Variants in NAA20 observed in about 807,000 individuals in gnomAD.
NAA20 encodes the protein N-alpha-acetyltransferase 20.
In NAA20, 24 loss-of-function variants were observed where a neutral mutation model predicts 23.8. The ratio of observed to expected loss-of-function variants is 1.01; its 90% CI spans 0.73 to 1.42. The LOEUF (loss-of-function observed/expected upper bound fraction) is 1.42. Among genes scored for constraint, NAA20 ranks in the 40% most tolerant of loss-of-function variants. The pLI, the probability that NAA20 is intolerant of heterozygous loss-of-function variation, is 0.00. For missense variants in NAA20, 166 were observed against 223.1 expected (o/e 0.74, Z 1.63); for synonymous variants, 83 against 77.7 (o/e 1.07, Z -0.36).
intron 4 of NAA20, among the ~76,000 whole-genome samples, chr20:20,032,232 G>T (rs932110436): frequency 1.3e-5 from 2 of 151,782 alleles, no homozygotes; most frequent in African/African-American, 4.9e-5. Flanking sequence ...TGAATTTGTA[G>T]AACAAATGCC....
intron 4 of NAA20, among the ~76,000 whole-genome samples, chr20:20,027,777 T>A (rs2043315916): frequency 6.7e-6 from 1 of 150,280 alleles, no homozygotes; most frequent in East Asian, 2.0e-4. Context: ...TTAAGGGACG[T>A]GTTGTATATA....
chr20:20,017,535 C>G, intron 1 of NAA20, 86 bp downstream of exon 1: 2 of 1,508,316 alleles, frequency 1.3e-6, no homozygotes, highest in South Asian at 2.5e-5. Context: ...CGCGCCTTCC[C>G]GGCCGGACCC....
At chr20:20,031,121 C>T (rs1478860357) in intron 4 of NAA20, among the ~76,000 whole-genome samples, 3 of 152,124 alleles carry the variant, frequency 2.0e-5, no homozygotes, top group Admixed American at 6.5e-5. Flanking sequence ...GACTCTGAAA[C>T]ATACAGAGGA....
intron 4 of NAA20, among the ~76,000 whole-genome samples, chr20:20,027,855 T>G (rs906185512): frequency 3.9e-5 from 6 of 152,096 alleles, no homozygotes; most frequent in Admixed American, 1.3e-4. Flanking sequence ...TCCTCGTATC[T>G]TCATTCTAGA....
At chr20:20,018,918 G>A (rs1289005551) in intron 1 of NAA20, 38 of 985,330 alleles carry the variant, frequency 3.9e-5, no homozygotes, top group Non-Finnish European at 4.6e-5. Flanking sequence ...TGGCTCTGGA[G>A]CAGTGGTTCT....
At chr20:20,033,078 A>T in intron 5 of NAA20, 24 bp from the exon 6 acceptor site, 1 of 1,549,878 alleles carries the variant, frequency 6.5e-7, no homozygotes, top group Admixed American at 1.7e-5. Context: ...TTGGGTGTTT[A>T]TATTAAACTT....
intron 3 of NAA20, 66 bp from the exon 4 acceptor site, chr20:20,026,718 G>A: frequency 6.3e-7 from 1 of 1,586,978 alleles, no homozygotes; most frequent in Middle Eastern, 1.7e-4. Flanking sequence ...ATACTGAACA[G>A]TAATTCTATA....
At chr20:20,018,040 TG>T in intron 1 of NAA20, 1 of 1,614,204 alleles carries the variant, frequency 6.2e-7, no homozygotes, top group Middle Eastern at 1.6e-4. Flanking sequence ...GTCTCAGTCA[TG>T]GTTAGTGTTT....
At chr20:20,018,346 C>T (rs1198398471) in intron 1 of NAA20, 3 of 463,014 alleles carry the variant, frequency 6.5e-6, no homozygotes, top group Non-Finnish European at 1.2e-5. Context: ...ATCTCTCCTT[C>T]CTTCCCATCT....
At chr20:20,020,544 A>G (rs950144065) in intron 1 of NAA20, among the ~76,000 whole-genome samples, 3 of 152,228 alleles carry the variant, frequency 2.0e-5, no homozygotes. Context: ...TGGAGAGGCC[A>G]TCATAAGACC....
intron 2 of NAA20, 136 bp from the exon 3 acceptor site, chr20:20,025,541 T>G: frequency 1.5e-6 from 1 of 657,548 alleles, no homozygotes; most frequent in South Asian, 1.9e-5. Context: ...TGTAATGGTA[T>G]GTATGATTAT....
intron 4 of NAA20, among the ~76,000 whole-genome samples, chr20:20,027,241 A>G (rs2043312728): frequency 6.6e-6 from 1 of 152,192 alleles, no homozygotes; most frequent in South Asian, 2.1e-4. Context: ...ATCTGTTACC[A>G]TTGCTTTGGC....
chr20:20,022,470 T>G lies in NAA20; in HGVS notation c.68T>G (p.Leu23Arg). The change falls in exon 2 of 6, where the codon CTT becomes CGT. Residue 23 changes from leucine to arginine, a missense_variant. Coordinates refer to ENST00000334982, the MANE Select transcript of NAA20 (RefSeq NM_016100.5). ...FRFNNINLDPLTETYGIPFYL... is the reference protein window; with the variant it reads ...FRFNNINLDPRTETYGIPFYL... Reference sequence around the variant, plus strand: ...GTTTCTTTCAGTAACTTGGATCCACTTACAGAAACTGTATCCTTTTTTACA... The same window carrying G: ...GTTTCTTTCAGTAACTTGGATCCACGTACAGAAACTGTATCCTTTTTTACA... 6.3e-7 allele frequency: 1 copy of G among 1,583,068 alleles called. No homozygotes were observed. The highest frequency in any genetic ancestry group is 8.6e-7 in the Non-Finnish European group (1 of 1,168,496).
intron 3 of NAA20, among the ~76,000 whole-genome samples, 154 bp from the exon 4 acceptor site, chr20:20,026,630 T>G (rs1024750523): frequency 1.3e-5 from 2 of 152,094 alleles, no homozygotes; most frequent in Non-Finnish European, 2.9e-5. Context: ...GAATTTCAAA[T>G]AAAAGCACTA....
intron 1 of NAA20, among the ~76,000 whole-genome samples, chr20:20,022,201 T>C (rs1779098202): frequency 1.3e-5 from 2 of 152,192 alleles, no homozygotes; most frequent in Non-Finnish European, 2.9e-5. Context: ...GATGTAGATT[T>C]ATTAACTTGA....
At position 20,031,331 on chromosome 20, in the gene NAA20, G is replaced by C. The variant is rs140956614; in HGVS notation, c.306-1177G>C. Among the ~76,000 whole-genome samples, 84 of 152,256 alleles carry C rather than the reference G, an allele frequency of 5.5e-4. 1 individual carries two copies. The East Asian group carries it at 0.015, about 27-fold the overall frequency. On this transcript the variant is annotated intron_variant, in intron 4 of 5. Transcript: ENST00000334982. ...ACAGAAGAGGCATTGCACATCAATA[G>C]TATGAAGATAGACTTTTCAGTAAAG... is the stretch of plus-strand genomic sequence containing the variant.
intron 4 of NAA20, among the ~76,000 whole-genome samples, chr20:20,027,785 A>G (rs761490855): frequency 1.3e-5 from 2 of 149,544 alleles, no homozygotes; most frequent in African/African-American, 2.5e-5. Context: ...CGTGTTGTAT[A>G]TATCAAACCT....
At chr20:20,031,733 A>G (rs1485768824) in intron 4 of NAA20, among the ~76,000 whole-genome samples, 1 of 152,236 alleles carries the variant, frequency 6.6e-6, no homozygotes, top group Non-Finnish European at 1.5e-5. Context: ...AGATTTAAGT[A>G]CTATACAGAA....
chr20:20,019,732 G>A (rs1213086992), intron 1 of NAA20, among the ~76,000 whole-genome samples: 1 of 152,108 alleles, frequency 6.6e-6, no homozygotes, highest in South Asian at 2.1e-4. Context: ...CTACAGGCAC[G>A]TGCTGCCACA....
Sources: gnomAD v4.1 joint callset for allele counts (sites outside exome capture counted in the v4.1 genomes callset) on GRCh38, gnomAD v4.1.1 for gene constraint, MANE v1.5 for transcripts, NCBI Gene and HGNC (gene_info 2026-07-23, HGNC 2026-07-21) for gene names.